The following NCAPH variants were observed in gnomAD, a reference collection of about 807,000 sequenced individuals.
NCAPH encodes condensin complex subunit 2.
NCAPH carries 38 observed loss-of-function variants against 85.5 expected under a neutral mutation model. That is an observed-to-expected ratio of 0.44 (90% CI 0.34 to 0.58). The LOEUF is 0.58. NCAPH is among the 20% of genes least tolerant of loss of function. NCAPH has a pLI of 0.01. For synonymous variants in NCAPH, 301 were observed against 335.1 expected, an observed-to-expected ratio of 0.90 and a Z score of 1.11; for missense variants, 789 against 916.6, an observed-to-expected ratio of 0.86 and a Z score of 1.80.
At chr2:96,370,913 G>A (rs2064764146) in intron 17 of NCAPH, among the ~76,000 whole-genome samples, 1 of 152,158 alleles carries the variant, frequency 6.6e-6, no homozygotes, top group African/African-American at 2.4e-5. Flanking sequence ...CTGCTGTTGG[G>A]GGGCAGTAAG....
intron 6 of NCAPH, among the ~76,000 whole-genome samples, chr2:96,349,739 T>C (rs972213131): frequency 6.6e-6 from 1 of 152,228 alleles, no homozygotes; most frequent in Non-Finnish European, 1.5e-5. Flanking sequence ...CTTCTTTATA[T>C]ATGAGCCGAT....
At position 96,335,847 on chromosome 2, in the gene NCAPH, A is replaced by G; in HGVS notation, c.18A>G (p.Pro6=). Residue 6 remains proline (P), a splice_region_variant and synonymous_variant, in exon 1 of 18, where the codon CCA becomes CCG. Coordinates refer to ENST00000240423, the MANE Select transcript of NCAPH (RefSeq NM_015341.5). ...AAGGAAAGATGGGACCTCCCGGCCC[A>G]GGTGAGCCGGGCGGTCGGGAGGCGC... The part of the protein sequence containing the change: MGPPG[P]ALPATMNNSS... 2 of 1,492,562 alleles carry G rather than the reference A, an allele frequency of 1.3e-6. No individual in the cohort carries two copies. Among genetic ancestry groups the G allele is most frequent in the Non-Finnish European group, 1.8e-6 (2 of 1,124,624 alleles). The allele number at this position is 1,492,562 out of a possible 1,614,324, so 92.5% of individuals were successfully genotyped here.
At chr2:96,371,290 T>G (rs1047248506) in intron 17 of NCAPH, among the ~76,000 whole-genome samples, 7 of 152,046 alleles carry the variant, frequency 4.6e-5, no homozygotes, top group African/African-American at 1.4e-4. Context: ...CACATCAGGC[T>G]CCTAGGCTGG....
In NCAPH at chr2:96,364,601, GGAAAGGGGCTCT is replaced by G. The variant is rs745459484; in HGVS notation, c.1698+12_1698+23del. 1.2e-5 allele frequency: 18 copies of G among 1,565,180 alleles called. No homozygotes were observed. Among genetic ancestry groups the G allele is most frequent in the Admixed American group, 8.4e-5 (5 of 59,830 alleles). On this transcript the variant is annotated intron_variant, in intron 13 of 17. Coordinates refer to ENST00000240423, the MANE Select transcript of NCAPH (RefSeq NM_015341.5). ...TTGCCCTGGATTACAGGTAAAGGGG[GGAAAGGGGCTCT>G]GTCCTCTCTTCTAAGCCAGGGAGTC...
intron 6 of NCAPH, among the ~76,000 whole-genome samples, chr2:96,348,018 T>G (rs920014618): frequency 2.6e-5 from 4 of 152,094 alleles, no homozygotes; most frequent in African/African-American, 9.7e-5. Flanking sequence ...GGGTGATGTG[T>G]GTAGCATATC....
rs1323503928 is a variant in NCAPH at position 96,360,182 on chromosome 2, C to G, written c.1397C>G (p.Thr466Arg). ...CAATCAGAAAACAAAAAGAAGAGTA[C>G]AAAAAAAGATTTTGAAATTGACTTT... ...PSQSENKKKS[T>R]KKDFEIDFED... is the part of the protein sequence containing the mutation. The change falls in exon 11 of 18, where the codon ACA becomes AGA. Residue 466 changes from threonine to arginine, a missense_variant. By Grantham distance (71) the Thr-to-Arg change is moderately conservative (BLOSUM62 -1). Transcript: ENST00000240423. 5.0e-6 allele frequency: 8 copies of G among 1,591,536 alleles called. No individual in the cohort carries two copies. Among genetic ancestry groups the G allele is most frequent in the Non-Finnish European group, 6.9e-6 (8 of 1,162,408 alleles).
In NCAPH at chr2:96,369,438, A is replaced by AC. The variant is rs2064743443; in HGVS notation, c.2104_2105insC (p.Met702ThrfsTer20). 6.2e-7 allele frequency: 1 copy of AC among 1,614,008 alleles called. No individual in the cohort carries two copies. Among genetic ancestry groups the AC allele is most frequent in the African/African-American group, 1.3e-5 (1 of 74,930 alleles). ...CTTTCTTTCCAGCCTGCCCCCTGTC[A>AC]TGGCTCAGAACCTCTCCATACCTCT... On this transcript the variant is annotated frameshift_variant, in exon 17 of 18. Coordinates refer to ENST00000240423, the MANE Select transcript of NCAPH (RefSeq NM_015341.5). LOFTEE classifies it high-confidence loss of function.
intron 12 of NCAPH, among the ~76,000 whole-genome samples, chr2:96,361,476 G>A (rs1057245309): frequency 2.6e-5 from 4 of 151,956 alleles, no homozygotes; most frequent in Admixed American, 2.0e-4. Context: ...TCCTCAGGAA[G>A]TCTCCTAGGG....
At chr2:96,358,529 C>T (rs865879955) in intron 9 of NCAPH, among the ~76,000 whole-genome samples, 14 of 152,028 alleles carry the variant, frequency 9.2e-5, no homozygotes, top group South Asian at 4.1e-4. Context: ...AGTGCAGTGG[C>T]GCGATCTCGG....
At chr2:96,367,510 TG>T (rs1464324696) in intron 15 of NCAPH, 137 bp downstream of exon 15, 18 of 605,212 alleles carry the variant, frequency 3.0e-5, no homozygotes, top group Non-Finnish European at 4.4e-5. Flanking sequence ...GAGCTGGGCA[TG>T]GTGGCTCACA....
intron 17 of NCAPH, among the ~76,000 whole-genome samples, chr2:96,372,596 G>A (rs750563079): frequency 3.9e-5 from 6 of 152,028 alleles, no homozygotes; most frequent in African/African-American, 9.7e-5. Context: ...ATCCTGCCCC[G>A]GATCTGAACC....
chr2:96,346,763 A>G (rs1282442046), intron 6 of NCAPH, among the ~76,000 whole-genome samples: 1 of 152,028 alleles, frequency 6.6e-6, no homozygotes, highest in Non-Finnish European at 1.5e-5. Context: ...GTCATGGTTA[A>G]TGAGTCAACT....
chr2:96,371,759 A>C (rs1308713499), intron 17 of NCAPH, among the ~76,000 whole-genome samples: 4 of 152,186 alleles, frequency 2.6e-5, no homozygotes, highest in African/African-American at 9.7e-5. Context: ...TATAATCTAC[A>C]GGGATCTGTG....
intron 6 of NCAPH, among the ~76,000 whole-genome samples, chr2:96,348,840 G>T (rs1005157389): frequency 2.6e-5 from 4 of 151,896 alleles, no homozygotes; most frequent in Non-Finnish European, 2.9e-5. Context: ...AGTAGAGATG[G>T]GGTTTCACCA....
intron 6 of NCAPH, among the ~76,000 whole-genome samples, chr2:96,345,458 G>T (rs1222087276): frequency 6.6e-6 from 1 of 152,216 alleles, no homozygotes; most frequent in Non-Finnish European, 1.5e-5. Flanking sequence ...TGCTACAGGT[G>T]GGCTCTGCTG....
rs769293599 is a variant in NCAPH at position 96,353,451 on chromosome 2, C to T, written c.1002+54C>T. The T allele has an allele frequency of 1.0e-5, 15 of 1,495,030 alleles. No homozygotes were observed. In the Admixed American group the frequency reaches 2.5e-4, roughly 25 times the overall value. The allele number at this position is 1,495,030 out of a possible 1,614,324, so 92.6% of individuals were successfully genotyped here. On this transcript the variant is annotated intron_variant, in intron 8 of 17. Transcript: ENST00000240423. The stretch of plus-strand genomic sequence containing the variant: ...TTCAGTTAGTTGGCTCAAGAGTGGT[C>T]CTGCCCAATGGGAACCAAAACTGTG...
chr2:96,342,198 A>G lies in NCAPH; in HGVS notation c.363+58A>G, dbSNP rs72937695. 9.0e-5 allele frequency: 125 copies of G among 1,388,448 alleles called. No homozygotes were observed. In the African/African-American group the frequency reaches 1.7e-3, roughly 19 times the overall value. The allele number at this position is 1,388,448 out of a possible 1,614,324, so 86.0% of individuals were successfully genotyped here. On this transcript the variant is annotated intron_variant, in intron 3 of 17. Coordinates refer to ENST00000240423, the MANE Select transcript of NCAPH (RefSeq NM_015341.5). Reference sequence around the variant, plus strand: ...AATCCCTTGATCACAGGGGAAATCCAGCTATCTTGTTTCTGTAGATAATGC... The same window carrying G: ...AATCCCTTGATCACAGGGGAAATCCGGCTATCTTGTTTCTGTAGATAATGC...
chr2:96,359,452 C>T, intron 10 of NCAPH: 1 of 472,254 alleles, frequency 2.1e-6, no homozygotes, highest in Non-Finnish European at 3.8e-6. Context: ...ACACTGCTCC[C>T]TAGTATCCAC....
chr2:96,369,080 A>C lies in NCAPH; in HGVS notation c.2090+17A>C. The stretch of plus-strand genomic sequence containing the variant: ...GCAGAGGAGGTGCGGGCTGGCAGGC[A>C]TGGGGGCTTTGTTGGGGCTCACCTC... On this transcript the variant is annotated intron_variant, in intron 16 of 17. Transcript: ENST00000240423. 1.3e-6 allele frequency: 2 copies of C among 1,552,246 alleles called. No individual in the cohort carries two copies. Among genetic ancestry groups the C allele is most frequent in the Non-Finnish European group, 1.7e-6 (2 of 1,147,248 alleles).
Sources: allele counts gnomAD v4.1 joint callset (sites outside exome capture counted in the v4.1 genomes callset), GRCh38; gene constraint gnomAD v4.1.1; transcripts MANE v1.5; gene names NCBI Gene and HGNC (gene_info 2026-07-23, HGNC 2026-07-21).